Variants in AFG2A observed in about 807,000 individuals in gnomAD.
The protein encoded by AFG2A is AAA ATPase AFG2A.
chr4:123,040,177 A>G, the AFG2A span, among the ~76,000 whole-genome samples: 1 of 152,114 alleles, frequency 6.6e-6, no homozygotes, highest in East Asian at 1.9e-4. Flanking sequence ...ATTACTAGAT[A>G]GTTTGAAATT....
the AFG2A span, among the ~76,000 whole-genome samples, chr4:122,947,646 A>T: frequency 1.3e-5 from 2 of 152,048 alleles, no homozygotes; most frequent in Admixed American, 6.6e-5. Flanking sequence ...TATTGGAAAA[A>T]CCTAGATGAT....
At chr4:123,156,831 G>A in the AFG2A span, among the ~76,000 whole-genome samples, 4 of 150,336 alleles carry the variant, frequency 2.7e-5, no homozygotes, top group Admixed American at 2.0e-4. Context: ...TTTTTTTTTG[G>A]ATAAAGTGTA....
the AFG2A span, among the ~76,000 whole-genome samples, chr4:123,254,570 G>C: frequency 6.9e-6 from 1 of 145,654 alleles, no homozygotes; most frequent in African/African-American, 2.8e-5. Context: ...GATACACACA[G>C]AGAGAGATTT....
chr4:123,287,538 C>T, the AFG2A span, among the ~76,000 whole-genome samples: 2 of 152,160 alleles, frequency 1.3e-5, no homozygotes, highest in Non-Finnish European at 2.9e-5. Flanking sequence ...GACTAAAGTC[C>T]TAAATTAGTT....
the AFG2A span, among the ~76,000 whole-genome samples, chr4:122,999,636 T>G: frequency 1.3e-5 from 2 of 152,108 alleles, no homozygotes; most frequent in African/African-American, 2.4e-5. Context: ...TGGCATTATT[T>G]CTGAGGGCTC....
the AFG2A span, among the ~76,000 whole-genome samples, chr4:123,024,476 G>T: frequency 2.6e-5 from 4 of 152,176 alleles, no homozygotes; most frequent in Admixed American, 6.5e-5. Context: ...TGGTGTAAGC[G>T]TTTGCTCAAA....
At chr4:122,959,639 T>C in the AFG2A span, among the ~76,000 whole-genome samples, 1 of 152,222 alleles carries the variant, frequency 6.6e-6, no homozygotes, top group Non-Finnish European at 1.5e-5. Flanking sequence ...TCTTAGAACA[T>C]AGTGAGCTAT....
the AFG2A span, among the ~76,000 whole-genome samples, chr4:123,045,094 C>T: frequency 6.6e-6 from 1 of 151,586 alleles, no homozygotes; most frequent in Non-Finnish European, 1.5e-5. Context: ...ATCTTGTTTG[C>T]CAATTTTATC....
chr4:123,169,097 G>T, the AFG2A span, among the ~76,000 whole-genome samples: 9 of 152,170 alleles, frequency 5.9e-5, no homozygotes, highest in Admixed American at 4.6e-4. Flanking sequence ...AATGCAGATG[G>T]GGGGAAGGAC....
the AFG2A span, among the ~76,000 whole-genome samples, chr4:123,278,873 A>T: frequency 6.6e-6 from 1 of 152,232 alleles, no homozygotes; most frequent in African/African-American, 2.4e-5. Context: ...CATGAAGTAC[A>T]ATACTGATGC....
chr4:123,128,248 C>A, the AFG2A span, among the ~76,000 whole-genome samples: 2 of 152,016 alleles, frequency 1.3e-5, no homozygotes, highest in Admixed American at 1.3e-4. Context: ...ACTTTTCATG[C>A]GTTTAAGTTC....
At chr4:123,316,872 G>T in the AFG2A span, 2 of 152,230 alleles carry the variant, frequency 1.3e-5, no homozygotes, top group African/African-American at 4.8e-5. Flanking sequence ...TGGCCAGGAA[G>T]ACCACAAGGA....
the AFG2A span, among the ~76,000 whole-genome samples, chr4:123,160,817 G>GT: frequency 2.6e-5 from 4 of 151,046 alleles, no homozygotes; most frequent in Admixed American, 2.0e-4. Context: ...CTATATATAG[G>GT]TTTTTTTCTT....
the AFG2A span, among the ~76,000 whole-genome samples, chr4:123,124,290 A>G: frequency 6.6e-6 from 1 of 152,170 alleles, no homozygotes; most frequent in Non-Finnish European, 1.5e-5. Context: ...CATATACACC[A>G]TGGAATACTA....
chr4:122,992,956 T>TTGTGTGTGTGTG, the AFG2A span, among the ~76,000 whole-genome samples: 810 of 132,826 alleles, frequency 6.1e-3, 16 homozygotes, highest in African/African-American at 0.02. Flanking sequence ...CCTGTAAGAT[T>TTGTGTGTGTGTG]TGTGTGTGTG....
chr4:123,199,475 T>G, the AFG2A span, among the ~76,000 whole-genome samples: 12 of 137,250 alleles, frequency 8.7e-5, no homozygotes, highest in Admixed American at 2.2e-4. Context: ...TTTTTTTTTT[T>G]TTTTTTTTTT....
the AFG2A span, among the ~76,000 whole-genome samples, chr4:123,182,478 A>T: frequency 6.6e-6 from 1 of 152,214 alleles, no homozygotes; most frequent in Non-Finnish European, 1.5e-5. Context: ...AGTGCCTCCC[A>T]CATAGTAGGC....
chr4:123,256,092 T>G, the AFG2A span: 1 of 1,614,100 alleles, frequency 6.2e-7, no homozygotes, highest in South Asian at 1.1e-5. Context: ...AGGGAAATAT[T>G]TAAGCTGCAG....
At chr4:122,925,414 G>A in the AFG2A span, among the ~76,000 whole-genome samples, 1,051 of 152,196 alleles carry the variant, frequency 6.9e-3, 9 homozygotes, top group Non-Finnish European at 0.012. Context: ...TCCCACTGCT[G>A]TCAGAGTAAT....
Sources: allele counts gnomAD v4.1 joint callset (sites outside exome capture counted in the v4.1 genomes callset), GRCh38; gene constraint gnomAD v4.1.1; transcripts MANE v1.5; gene names NCBI Gene and HGNC (gene_info 2026-07-23, HGNC 2026-07-21).